Variants in OPCML observed in about 807,000 individuals in gnomAD.
OPCML encodes the protein opioid binding protein/cell adhesion molecule like.
Under a neutral mutation model 37.8 loss-of-function variants are expected in OPCML, and 13 were observed. The observed-to-expected ratio is 0.34, with a 90% CI of 0.22 to 0.55. OPCML has a LOEUF of 0.55. Ranked by LOEUF, OPCML falls within the 20% of genes least tolerant of loss-of-function variation. The pLI, the probability that OPCML is intolerant of heterozygous loss-of-function variation, is 0.91. For missense variants in OPCML, 341 were observed against 435.6 expected (o/e 0.78, Z 1.93); for synonymous variants, 176 against 168.8 (o/e 1.04, Z -0.33).
At chr11:133,243,324 TG>T (rs1450336496) in intron 1 of OPCML, among the ~76,000 whole-genome samples, 2 of 152,196 alleles carry the variant, frequency 1.3e-5, no homozygotes, top group African/African-American at 4.8e-5. Flanking sequence ...AGGTGTAGGC[TG>T]GGTTTCCAGG....
At chr11:132,470,205 T>C (rs749178816) in intron 4 of OPCML, among the ~76,000 whole-genome samples, 51 of 152,048 alleles carry the variant, frequency 3.4e-4, no homozygotes, top group Non-Finnish European at 1.6e-4. Context: ...AGGGCATGTT[T>C]GTAGTTAAGG....
At chr11:132,552,780 G>A (rs953263460) in intron 3 of OPCML, among the ~76,000 whole-genome samples, 2 of 21,552 alleles carry the variant, frequency 9.3e-5, no homozygotes, top group Non-Finnish European at 1.4e-4. Context: ...TTTTTTTTTT[G>A]AGACCGAGTG....
chr11:132,862,693 A>G (rs1400665944), intron 2 of OPCML, among the ~76,000 whole-genome samples: 1 of 152,152 alleles, frequency 6.6e-6, no homozygotes, highest in Non-Finnish European at 1.5e-5. Context: ...GTCACTTCAA[A>G]GCATGCTAAT....
At chr11:132,710,624 AG>A (rs997409990) in intron 2 of OPCML, among the ~76,000 whole-genome samples, 1 of 151,980 alleles carries the variant, frequency 6.6e-6, no homozygotes, top group African/African-American at 2.4e-5. Context: ...AGGCCAAGGC[AG>A]GTGGATCATT....
At chr11:133,444,915 A>G (rs1416504947) in intron 1 of OPCML, among the ~76,000 whole-genome samples, 6 of 146,264 alleles carry the variant, frequency 4.1e-5, no homozygotes, top group Non-Finnish European at 3.0e-5. Flanking sequence ...CACCATATCC[A>G]TGGTGATCCT....
At chr11:133,218,983 T>C (rs1357010612) in intron 1 of OPCML, among the ~76,000 whole-genome samples, 1 of 152,206 alleles carries the variant, frequency 6.6e-6, no homozygotes, top group Non-Finnish European at 1.5e-5. Flanking sequence ...TGCTTGCTTT[T>C]ATTTTGATAC....
chr11:132,733,126 C>A (rs1017413969), intron 2 of OPCML, among the ~76,000 whole-genome samples: 2 of 151,862 alleles, frequency 1.3e-5, no homozygotes, highest in Non-Finnish European at 2.9e-5. Context: ...AAAATCATCA[C>A]GAAGATGAAA....
intron 1 of OPCML, among the ~76,000 whole-genome samples, chr11:133,225,785 T>A (rs1187003378): frequency 6.6e-6 from 1 of 152,218 alleles, no homozygotes; most frequent in Non-Finnish European, 1.5e-5. Context: ...GCAAACTGGA[T>A]TTAGAACTCT....
intron 1 of OPCML, chr11:133,064,770 C>G (rs1405868731): frequency 6.6e-6 from 1 of 152,138 alleles, no homozygotes. Flanking sequence ...CGGGGCGGGC[C>G]GGCAGTAAAC....
At chr11:132,888,386 A>G (rs1400537635) in intron 2 of OPCML, among the ~76,000 whole-genome samples, 1 of 152,122 alleles carries the variant, frequency 6.6e-6, no homozygotes, top group Non-Finnish European at 1.5e-5. Flanking sequence ...CTGATGTGTG[A>G]CAAATTGAAG....
chr11:132,485,979 C>T (rs1051251410), intron 4 of OPCML, among the ~76,000 whole-genome samples: 1 of 152,168 alleles, frequency 6.6e-6, no homozygotes. Flanking sequence ...TTCCAAAGTG[C>T]TCACCCTGTT....
chr11:133,294,308 T>C (rs1159499124), intron 1 of OPCML, among the ~76,000 whole-genome samples: 1 of 152,118 alleles, frequency 6.6e-6, no homozygotes, highest in African/African-American at 2.4e-5. Context: ...CCCCTGGTGC[T>C]TGAGATCAGG....
intron 2 of OPCML, among the ~76,000 whole-genome samples, chr11:132,658,780 C>T (rs890445309): frequency 1.3e-5 from 2 of 152,100 alleles, no homozygotes; most frequent in African/African-American, 2.4e-5. Flanking sequence ...CCCATCTAAC[C>T]ATTCACTCCT....
chr11:132,452,540 C>T (rs1391645417), intron 4 of OPCML, among the ~76,000 whole-genome samples: 1 of 140,222 alleles, frequency 7.1e-6, no homozygotes, highest in Non-Finnish European at 1.5e-5. Context: ...AGCCTGCCTG[C>T]CTGCCTGCCT....
At chr11:132,599,937 G>T (rs1309522745) in intron 3 of OPCML, among the ~76,000 whole-genome samples, 1 of 152,152 alleles carries the variant, frequency 6.6e-6, no homozygotes, top group Non-Finnish European at 1.5e-5. Context: ...TCAAACTTAT[G>T]TAACCGAACA....
intron 3 of OPCML, among the ~76,000 whole-genome samples, chr11:132,655,861 C>T (rs61906419): frequency 7.0e-6 from 1 of 143,592 alleles, no homozygotes; most frequent in Admixed American, 6.9e-5. Flanking sequence ...ACATCGTGGT[C>T]CTTTTTTTTT....
chr11:133,007,920 C>G, intron 1 of OPCML: 1 of 985,420 alleles, frequency 1.0e-6, no homozygotes, highest in Non-Finnish European at 1.2e-6. Flanking sequence ...CATTTGAGGT[C>G]CATTGTGCAT....
At chr11:132,638,363 G>A (rs1396453077) in intron 3 of OPCML, among the ~76,000 whole-genome samples, 1 of 151,864 alleles carries the variant, frequency 6.6e-6, no homozygotes, top group Non-Finnish European at 1.5e-5. Flanking sequence ...ATATTCTGTG[G>A]CTTTATGTCA....
At chr11:132,774,947 G>A (rs184688241) in intron 2 of OPCML, among the ~76,000 whole-genome samples, 91 of 152,250 alleles carry the variant, frequency 6.0e-4, no homozygotes, top group Non-Finnish European at 7.5e-4. Flanking sequence ...TGTATTTCTC[G>A]TGTTTTCCCC....
Sources: gnomAD v4.1 joint callset for allele counts (sites outside exome capture counted in the v4.1 genomes callset) on GRCh38, gnomAD v4.1.1 for gene constraint, MANE v1.5 for transcripts, NCBI Gene and HGNC (gene_info 2026-07-23, HGNC 2026-07-21) for gene names.